SLC9A5: variants seen among roughly 807,000 people sequenced by gnomAD.
SLC9A5 encodes solute carrier family 9 member A5, also known as sodium/hydrogen exchanger 5.
SLC9A5 carries 52 observed loss-of-function variants against 91.7 expected under a neutral mutation model. The ratio of observed to expected loss-of-function variants is 0.57; its 90% confidence interval spans 0.45 to 0.71. The LOEUF (loss-of-function observed/expected upper bound fraction) is 0.71. Ranked by LOEUF, SLC9A5 falls within the 30% of genes least tolerant of loss-of-function variation. SLC9A5 has a pLI of 0.00. For synonymous variants in SLC9A5, 419 were observed against 474.5 expected (o/e 0.88, Z 1.52); for missense variants, 871 against 1,158.9 (o/e 0.75, Z 3.61).
At chr16:67,254,767 T>C (rs184503154) in intron 2 of SLC9A5, among the ~76,000 whole-genome samples, 154 of 152,316 alleles carry the variant, frequency 1.0e-3, no homozygotes, top group Non-Finnish European at 1.8e-3. Flanking sequence ...TGAGGAGGCA[T>C]GGCTAAGGTG....
intron 10 of SLC9A5, 88 bp from the exon 11 acceptor site, chr16:67,259,485 G>T (rs1386435553): frequency 6.5e-6 from 6 of 917,348 alleles, no homozygotes; most frequent in Non-Finnish European, 1.1e-5. Context: ...TAAACTAAGT[G>T]TTCGTTATTA....
rs894929345 is a variant in SLC9A5 at position 67,270,511 on chromosome 16, A to G, written c.2219-227A>G. 6.6e-6 allele frequency among the ~76,000 whole-genome samples: 1 copy of G among 152,144 alleles called. No homozygotes were observed. Among genetic ancestry groups the G allele is most frequent in the Admixed American group, 6.5e-5 (1 of 15,274 alleles). On this transcript the variant is annotated intron_variant, in intron 15 of 15. Transcript: ENST00000299798. The surrounding 1 kb of genome is among the most constrained non-coding windows in gnomAD (Gnocchi z 4.3). ...TTATTTTCGTTTCTTTGATGAAAAT[A>G]ATGTTCAATTTCTTGAGCAACTACT... is the stretch of plus-strand genomic sequence containing the variant.
Position 67,258,047 on chromosome 16 carries a change from C to T in SLC9A5, c.1497-271C>T, listed in dbSNP as rs533397260. On this transcript the variant is annotated intron_variant, in intron 9 of 15. Coordinates refer to ENST00000299798, the MANE Select transcript of SLC9A5 (RefSeq NM_004594.3). The surrounding 1 kb of genome is among the most constrained non-coding windows in gnomAD (Gnocchi z 4.5). ...ACTTCCCTGGCCTCCCTGGCTAGGA[C>T]GTATCTGTGTCATATTCTCTAATTA... Among the ~76,000 whole-genome samples, 180 of 152,356 alleles carry T rather than the reference C, an allele frequency of 1.2e-3. No individual in the cohort carries two copies. Among genetic ancestry groups the T allele is most frequent in the Non-Finnish European group, 2.3e-3 (158 of 68,038 alleles).
chr16:67,255,822 C>T lies in SLC9A5; in HGVS notation c.803C>T (p.Thr268Ile), dbSNP rs2142349942. The change falls in exon 5 of 16, where the codon ACC becomes ATC. Residue 268 changes from threonine to isoleucine, a missense_variant. Physicochemically the swap from Thr to Ile is moderately conservative, Grantham distance 89. Coordinates refer to ENST00000299798, the MANE Select transcript of SLC9A5 (RefSeq NM_004594.3). The surrounding 1 kb of genome is among the most constrained non-coding windows in gnomAD (Gnocchi z 4.9). ...GTCTTTGCCTTCCTCCTGGCCCTGACCACACGCTTCACCAAGCGGGTCCGC... is the reference window on the plus strand; with the variant it reads ...GTCTTTGCCTTCCTCCTGGCCCTGATCACACGCTTCACCAAGCGGGTCCGC... Reference protein sequence around the residue: ...GLVFAFLLALTTRFTKRVRII... With the variant: ...GLVFAFLLALITRFTKRVRII... The T allele has an allele frequency of 3.1e-6, 5 of 1,609,052 alleles. No individual in the cohort carries two copies. Among genetic ancestry groups the T allele is most frequent in the Non-Finnish European group, 4.2e-6 (5 of 1,177,544 alleles).
chr16:67,249,230 G>T (rs548964331), intron 1 of SLC9A5, 29 bp downstream of exon 1: 10 of 1,372,658 alleles, frequency 7.3e-6, no homozygotes, highest in South Asian at 1.6e-5. Flanking sequence ...GCGCCAGGCC[G>T]ACCGCCAGCG....
At chr16:67,261,286 T>C (rs2035523664) in intron 12 of SLC9A5, 1 of 152,216 alleles carries the variant, frequency 6.6e-6, no homozygotes, top group Admixed American at 6.5e-5. Context: ...TCTGCTAAAC[T>C]CCCAGGTCTT....
rs2035924642 is a variant in SLC9A5 at position 67,271,507 on chromosome 16, C to G, written c.*297C>G. 2 of 433,692 alleles carry G rather than the reference C, an allele frequency of 4.6e-6. No individual in the cohort carries two copies. Among genetic ancestry groups the G allele is most frequent in the South Asian group, 3.7e-5 (1 of 27,322 alleles). 26.9% of individuals were successfully genotyped at this position (433,692 alleles called of 1,614,324 possible). A position where few individuals can be genotyped will look rare whatever the true frequency, so the allele number is the denominator to read the frequency against. ...CCAGAGACTTGGGTTGCTGGTCCCCCTTCCCTAGTGGGTTTTCCCGGGGAC... is the reference window on the plus strand; with the variant it reads ...CCAGAGACTTGGGTTGCTGGTCCCCGTTCCCTAGTGGGTTTTCCCGGGGAC... On this transcript the variant is annotated 3_prime_UTR_variant, in exon 16 of 16. Coordinates refer to ENST00000299798, the MANE Select transcript of SLC9A5 (RefSeq NM_004594.3).
chr16:67,256,363 G>A lies in SLC9A5; in HGVS notation c.912-106G>A. The stretch of plus-strand genomic sequence containing the variant: ...CCCTGGGCTTCAGCTCTGAGAGTCT[G>A]ACATCCTGTAATGGGCAATGCCCCC... On this transcript the variant is annotated intron_variant, in intron 5 of 15. Transcript: ENST00000299798. This position sits in a 1 kb window ranked among gnomAD's most constrained non-coding sequence, Gnocchi z 4.1. 1 of 776,772 alleles carries A rather than the reference G, an allele frequency of 1.3e-6. No individual in the cohort carries two copies. The highest frequency in any genetic ancestry group is 3.5e-4 in the Middle Eastern group (1 of 2,842). The allele number at this position is 776,772 out of a possible 1,614,324, so 48.1% of individuals were successfully genotyped here.
At position 67,249,052 on chromosome 16, in the gene SLC9A5, T is replaced by G; in HGVS notation, c.38T>G (p.Leu13Arg). ...GCCCTGTCCCTGCTCGCGCTGCCCC[T>G]GGCGGGGGCGGCCGAAGAGCCCACC... ...RAALSLLALP[L>R]AGAAEEPTQK... Residue 13 changes from leucine to arginine, a missense_variant, in exon 1 of 16, where the codon CTG becomes CGG. Around this residue, in one of 3 missense-constraint regions of SLC9A5, gnomAD observed 122 missense variants for 114.5 expected, o/e 1.07. Transcript: ENST00000299798. 6.6e-7 allele frequency: 1 copy of G among 1,506,924 alleles called. No homozygotes were observed. Among genetic ancestry groups the G allele is most frequent in the Non-Finnish European group, 8.8e-7 (1 of 1,134,320 alleles). The allele number at this position is 1,506,924 out of a possible 1,614,324, so 93.3% of individuals were successfully genotyped here. A position where few individuals can be genotyped will look rare whatever the true frequency, so the allele number is the denominator to read the frequency against.
chr16:67,270,788 T>G lies in SLC9A5; in HGVS notation c.2269T>G (p.Cys757Gly). 6.2e-7 allele frequency: 1 copy of G among 1,613,870 alleles called. No individual in the cohort carries two copies. Among genetic ancestry groups the G allele is most frequent in the Non-Finnish European group, 8.5e-7 (1 of 1,179,888 alleles). ...ACGAATCATTCCCCCCTCCCCAACC[T>G]GTGCAGAAAAGGAGCTCCCCTGGAA... is the stretch of plus-strand genomic sequence containing the variant. ...SPRIIPPSPT[C>G]AEKELPWKSG... The change falls in exon 16 of 16, where the codon TGT becomes GGT. Residue 757 changes from cysteine (C) to glycine (G), a missense_variant. Cys to Gly is a radical substitution (Grantham distance 159). Around this residue, in one of 3 missense-constraint regions of SLC9A5, gnomAD observed 295 missense variants for 326.0 expected, o/e 0.90. Transcript: ENST00000299798. This position sits in a 1 kb window ranked among gnomAD's most constrained non-coding sequence, Gnocchi z 4.3.
chr16:67,255,396 CTGTACAAGGTCTGCA>C lies in SLC9A5; in HGVS notation c.659_673del (p.Leu220_Asn225delinsHis), dbSNP rs1210034796. ...TGACTCTCCTCTTCTCGCTCAGGTG[CTGTACAAGGTCTGCA>C]ACTCCTTTGTGGAGATGGGCTCTGC... On this transcript the variant is annotated inframe_deletion, in exon 4 of 16. Transcript: ENST00000299798. The surrounding 1 kb of genome is among the most constrained non-coding windows in gnomAD (Gnocchi z 4.9). The C allele has an allele frequency of 6.8e-6, 11 of 1,612,286 alleles. No individual in the cohort carries two copies. Among genetic ancestry groups the C allele is most frequent in the African/African-American group, 1.3e-5 (1 of 75,020 alleles).
chr16:67,262,737 C>T (rs1048788306), intron 12 of SLC9A5: 3 of 163,178 alleles, frequency 1.8e-5, no homozygotes, highest in South Asian at 1.7e-4. Flanking sequence ...CTGAGGAGTG[C>T]GCATGGGAGA....
Position 67,271,652 on chromosome 16 carries a change from G to C in SLC9A5, c.*442G>C, listed in dbSNP as rs1138483. 2 of 174,492 alleles carry C rather than the reference G, an allele frequency of 1.1e-5. No homozygotes were observed. The highest frequency in any genetic ancestry group is 4.7e-5 in the African/African-American group (2 of 42,384). The allele number at this position is 174,492 out of a possible 1,614,324, so 10.8% of individuals were successfully genotyped here. A position where few individuals can be genotyped will look rare whatever the true frequency, so the allele number is the denominator to read the frequency against. On this transcript the variant is annotated 3_prime_UTR_variant, in exon 16 of 16. Coordinates refer to ENST00000299798, the MANE Select transcript of SLC9A5 (RefSeq NM_004594.3). ...TGGGTCAGTGGTGTCCTGGCAGTGAGGCTCCGTGAGGGGCTGGCCCTTAGA... is the reference window on the plus strand; with the variant it reads ...TGGGTCAGTGGTGTCCTGGCAGTGACGCTCCGTGAGGGGCTGGCCCTTAGA...
At chr16:67,251,396 A>T (rs1388792699) in intron 1 of SLC9A5, among the ~76,000 whole-genome samples, 2 of 137,988 alleles carry the variant, frequency 1.4e-5, no homozygotes, top group African/African-American at 2.7e-5. Flanking sequence ...GCTTTTGAGT[A>T]GATTGTCTTT....
intron 15 of SLC9A5, among the ~76,000 whole-genome samples, chr16:67,269,823 A>C (rs1179705151): frequency 6.6e-6 from 1 of 152,004 alleles, no homozygotes; most frequent in African/African-American, 2.4e-5. Flanking sequence ...AGAACCTCAG[A>C]TTTCCTGTAA....
rs563152388 is a variant in SLC9A5, at chr16:67,249,218, G to C, written c.187+17G>C. 24 of 1,422,882 alleles carry C rather than the reference G, an allele frequency of 1.7e-5. 1 individual carries two copies. In the South Asian group the frequency reaches 3.2e-4, roughly 19 times the overall value. The allele number at this position is 1,422,882 out of a possible 1,614,324, so 88.1% of individuals were successfully genotyped here. A position where few individuals can be genotyped will look rare whatever the true frequency, so the allele number is the denominator to read the frequency against. On this transcript the variant is annotated intron_variant, in intron 1 of 15. Transcript: ENST00000299798. ...CCAAAATCGGTGAGTGCGTGTGTGCGTGCGCCAGGCCGACCGCCAGCGGCG... is the reference window on the plus strand; with the variant it reads ...CCAAAATCGGTGAGTGCGTGTGTGCCTGCGCCAGGCCGACCGCCAGCGGCG...
rs1488768816 is a variant in SLC9A5 at position 67,270,619 on chromosome 16, T to C, written c.2219-119T>C. On this transcript the variant is annotated intron_variant, in intron 15 of 15. Transcript: ENST00000299798. The surrounding 1 kb of genome is among the most constrained non-coding windows in gnomAD (Gnocchi z 4.3). ...GTACTTCGCCTCAGCAAGACATTCA[T>C]CCGATAATCGCAAAAATGGACGGCA... 1.4e-6 allele frequency: 1 copy of C among 708,152 alleles called. No homozygotes were observed. The highest frequency in any genetic ancestry group is 2.3e-6 in the Non-Finnish European group (1 of 431,496). 43.9% of individuals were successfully genotyped at this position (708,152 alleles called of 1,614,324 possible). A position where few individuals can be genotyped will look rare whatever the true frequency, so the allele number is the denominator to read the frequency against.
At chr16:67,266,251 C>G in intron 15 of SLC9A5, 26 bp downstream of exon 15, 1 of 1,569,970 alleles carries the variant, frequency 6.4e-7, no homozygotes, top group Non-Finnish European at 8.6e-7. Flanking sequence ...CTGCCCACCT[C>G]CCCTCTGGAG....
Position 67,266,243 on chromosome 16 carries a change from GC to G in SLC9A5, c.2218+21del, listed in dbSNP as rs1248722825. The stretch of plus-strand genomic sequence containing the variant: ...GGTCTCAGGTAATGGCTTCCTCCCT[GC>G]CCACCTCCCCTCTGGAGCAAGCTGG... On this transcript the variant is annotated intron_variant, in intron 15 of 15. Coordinates refer to ENST00000299798, the MANE Select transcript of SLC9A5 (RefSeq NM_004594.3). 6.3e-7 allele frequency: 1 copy of G among 1,577,344 alleles called. No homozygotes were observed. Among genetic ancestry groups the G allele is most frequent in the Non-Finnish European group, 8.6e-7 (1 of 1,164,212 alleles).
Sources: gnomAD v4.1 joint callset for allele counts (sites outside exome capture counted in the v4.1 genomes callset) on GRCh38, gnomAD v4.1.1 for gene constraint, gnomAD v4.1.1 regional missense constraint, Gnocchi (gnomAD v3.1) non-coding constraint, MANE v1.5 for transcripts, NCBI Gene and HGNC (gene_info 2026-07-23, HGNC 2026-07-21) for gene names.